AJAP1: variants seen among roughly 807,000 people sequenced by gnomAD.
AJAP1 encodes the protein adherens junction-associated protein 1.
A neutral mutation model predicts 35.0 loss-of-function variants in AJAP1; 5 were observed. That is an observed-to-expected ratio of 0.14 (90% CI 0.07 to 0.30). The LOEUF (loss-of-function observed/expected upper bound fraction) is 0.30. Ranked by LOEUF, AJAP1 falls within the 10% of genes least tolerant of loss-of-function variation. The pLI is 1.00. For synonymous variants in AJAP1, 284 were observed against 249.3 expected (o/e 1.14, Z -1.31); for missense variants, 586 against 571.0 (o/e 1.03, Z -0.27).
chr1:4,677,414 G>A (rs1301929490), intron 1 of AJAP1, among the ~76,000 whole-genome samples: 1 of 151,996 alleles, frequency 6.6e-6, no homozygotes, highest in Non-Finnish European at 1.5e-5. Context: ...ACAGCTGCCC[G>A]GCTAATTAAT....
chr1:4,665,073 G>C (rs567860509), intron 1 of AJAP1, among the ~76,000 whole-genome samples: 3 of 151,968 alleles, frequency 2.0e-5, no homozygotes, highest in Non-Finnish European at 4.4e-5. Context: ...AAAGCCCCAC[G>C]AGAGCTGGTT....
chr1:4,750,385 G>A (rs1277845051), intron 2 of AJAP1, among the ~76,000 whole-genome samples: 1 of 152,194 alleles, frequency 6.6e-6, no homozygotes, highest in Non-Finnish European at 1.5e-5. Flanking sequence ...AATAGAATGA[G>A]TTGGGAGGTG....
chr1:4,662,917 A>T (rs1639034434), intron 1 of AJAP1, among the ~76,000 whole-genome samples: 1 of 152,196 alleles, frequency 6.6e-6, no homozygotes, highest in African/African-American at 2.4e-5. Flanking sequence ...ATCTGGTCAG[A>T]TGCCTGGAGG....
intron 2 of AJAP1, among the ~76,000 whole-genome samples, chr1:4,727,533 C>T (rs1266313740): frequency 6.6e-6 from 1 of 152,252 alleles, no homozygotes; most frequent in Non-Finnish European, 1.5e-5. Context: ...GCCTCTACAA[C>T]CATATTCTCA....
rs567906627 is a variant in AJAP1, at chr1:4,707,058, G to A, written c.30-4842G>A. Among the ~76,000 whole-genome samples, 36 of 152,120 alleles carry A rather than the reference G, an allele frequency of 2.4e-4. No homozygotes were observed. The South Asian group carries it at 6.8e-3, about 29-fold the overall frequency. ...GTGGATGTGGTCCTCAGGTGCTCAGGCAGGGACCCTGTCTCACGTTCAGGG... is the reference window on the plus strand; with the variant it reads ...GTGGATGTGGTCCTCAGGTGCTCAGACAGGGACCCTGTCTCACGTTCAGGG... On this transcript the variant is annotated intron_variant, in intron 1 of 5. Coordinates refer to ENST00000378191, the MANE Select transcript of AJAP1 (RefSeq NM_018836.4).
chr1:4,791,755 G>A lies in AJAP1; in HGVS notation c.*9270G>A, dbSNP rs1642251769. The A allele has an allele frequency of 6.6e-6, 1 of 152,182 alleles. No individual in the cohort carries two copies. Among genetic ancestry groups the A allele is most frequent in the Admixed American group, 6.5e-5 (1 of 15,282 alleles). The allele number at this position is 152,182 out of a possible 1,614,324, so 9.4% of individuals were successfully genotyped here. On this transcript the variant is annotated 3_prime_UTR_variant, in exon 6 of 6. Coordinates refer to ENST00000378191, the MANE Select transcript of AJAP1 (RefSeq NM_018836.4). ...AACTATTGACTGGATTTTTCCCATGGGGCATCTGTCTAAGAGTCACAGATC... is the reference window on the plus strand; with the variant it reads ...AACTATTGACTGGATTTTTCCCATGAGGCATCTGTCTAAGAGTCACAGATC...
At chr1:4,677,599 A>T (rs59311090) in intron 1 of AJAP1, among the ~76,000 whole-genome samples, 1 of 148,608 alleles carries the variant, frequency 6.7e-6, no homozygotes, top group Non-Finnish European at 1.5e-5. Context: ...TTAAAAAAAA[A>T]TTTAACATCT....
intron 2 of AJAP1, among the ~76,000 whole-genome samples, chr1:4,769,101 G>C (rs898379022): frequency 6.6e-6 from 1 of 152,224 alleles, no homozygotes; most frequent in Admixed American, 6.5e-5. Context: ...TTCTGTCCCT[G>C]TCCTGCCGAT....
chr1:4,765,631 A>C (rs887111704), intron 2 of AJAP1, among the ~76,000 whole-genome samples: 2 of 152,222 alleles, frequency 1.3e-5, no homozygotes, highest in African/African-American at 4.8e-5. Context: ...TAATCTGAAC[A>C]TTCTTGTGTT....
At chr1:4,756,471 G>A (rs906768416) in intron 2 of AJAP1, among the ~76,000 whole-genome samples, 7 of 152,136 alleles carry the variant, frequency 4.6e-5, no homozygotes, top group Non-Finnish European at 1.0e-4. Context: ...TGCCCTCCTG[G>A]GTCAATGTCT....
chr1:4,766,609 G>A (rs1049163648), intron 2 of AJAP1, among the ~76,000 whole-genome samples: 5 of 152,196 alleles, frequency 3.3e-5, no homozygotes, highest in African/African-American at 9.7e-5. Flanking sequence ...AGCATCCTAA[G>A]CAGGAGCCCA....
intron 2 of AJAP1, among the ~76,000 whole-genome samples, chr1:4,730,633 C>G (rs1330905134): frequency 1.3e-5 from 2 of 152,230 alleles, no homozygotes; most frequent in Non-Finnish European, 2.9e-5. Context: ...TGTCCACCCC[C>G]AGGCCACCTT....
rs200189224 is a variant in AJAP1, at chr1:4,772,478, G to A, written c.1116G>A (p.Thr372=). The change falls in exon 4 of 6, where the codon ACG becomes ACA. Residue 372 remains threonine (T), a synonymous_variant. Coordinates refer to ENST00000378191, the MANE Select transcript of AJAP1 (RefSeq NM_018836.4). ...RASVPVYTDE[T]LHSTTGEYKS... The stretch of plus-strand genomic sequence containing the variant: ...CTGTGCCCGTGTACACCGATGAGAC[G>A]CTGCACTCGACGACGGGGGAGTACA... The A allele has an allele frequency of 6.2e-6, 10 of 1,614,250 alleles. 1 individual carries two copies. Among genetic ancestry groups the A allele is most frequent in the East Asian group, 4.5e-5 (2 of 44,884 alleles).
Position 4,747,182 on chromosome 1 carries a change from A to C in AJAP1, c.830-22671A>C, listed in dbSNP as rs151306167. Among the ~76,000 whole-genome samples the C allele has an allele frequency of 5.5e-3, 835 of 152,212 alleles. 9 individuals carry two copies. The highest frequency in any genetic ancestry group is 0.019 in the African/African-American group (770 of 41,532). On this transcript the variant is annotated intron_variant, in intron 2 of 5. Coordinates refer to ENST00000378191, the MANE Select transcript of AJAP1 (RefSeq NM_018836.4). ...GTCTGAGAGGTCTGTCCTTGCGGGC[A>C]TTTGCTGTGCCGTCGTCAGCCTCAC...
intron 1 of AJAP1, among the ~76,000 whole-genome samples, chr1:4,679,800 A>T (rs1223157573): frequency 1.4e-5 from 2 of 142,846 alleles, no homozygotes; most frequent in East Asian, 2.2e-4. Flanking sequence ...TAGAAACAGA[A>T]CCAATAGGGT....
chr1:4,722,327 G>A (rs537674538), intron 2 of AJAP1, among the ~76,000 whole-genome samples: 8 of 152,336 alleles, frequency 5.3e-5, no homozygotes, highest in South Asian at 4.1e-4. Context: ...GAGGCGATCC[G>A]TGGTTTGCAC....
chr1:4,769,972 A>T (rs769833205), intron 3 of AJAP1, 32 bp downstream of exon 3: 2 of 1,567,954 alleles, frequency 1.3e-6, no homozygotes, highest in Non-Finnish European at 1.8e-6. Flanking sequence ...TGGCCCAGAA[A>T]TGGGGGACTA....
chr1:4,728,855 C>T (rs991948528), intron 2 of AJAP1, among the ~76,000 whole-genome samples: 1 of 152,140 alleles, frequency 6.6e-6, no homozygotes, highest in Non-Finnish European at 1.5e-5. Context: ...CCGATGGGCT[C>T]TCTGTCATTG....
Position 4,713,178 on chromosome 1 carries a change from G to A in AJAP1, c.829+479G>A, listed in dbSNP as rs536091938. On this transcript the variant is annotated intron_variant, in intron 2 of 5. Coordinates refer to ENST00000378191, the MANE Select transcript of AJAP1 (RefSeq NM_018836.4). ...CCCATGGACGGGGGCATGGACGGGG[G>A]CAGGGTGCCTGCCAACTTGACCTCG... Among the ~76,000 whole-genome samples, 13 of 152,332 alleles carry A rather than the reference G, an allele frequency of 8.5e-5. No homozygotes were observed. In the South Asian group the frequency reaches 1.7e-3, roughly 19 times the overall value.
Sources: gnomAD v4.1 joint callset for allele counts (sites outside exome capture counted in the v4.1 genomes callset) on GRCh38, gnomAD v4.1.1 for gene constraint, MANE v1.5 for transcripts, NCBI Gene and HGNC (gene_info 2026-07-23, HGNC 2026-07-21) for gene names.